PM20D1: variants seen among roughly 807,000 people sequenced by gnomAD.
PM20D1 encodes the protein N-fatty-acyl-amino acid synthase/hydrolase PM20D1.
PM20D1 carries 53 observed loss-of-function variants against 53.8 expected under a neutral mutation model. The ratio of observed to expected loss-of-function variants is 0.98; its 90% CI spans 0.79 to 1.24. The LOEUF (loss-of-function observed/expected upper bound fraction) is 1.24. PM20D1 is among the 50% of genes most tolerant of loss of function. The pLI is 0.00. For synonymous variants in PM20D1, 239 were observed against 241.3 expected, an observed-to-expected ratio of 0.99 and a Z score of 0.09; for missense variants, 564 against 616.8, an observed-to-expected ratio of 0.91 and a Z score of 0.91.
chr1:205,839,090 C>A (rs1656748018), intron 10 of PM20D1, among the ~76,000 whole-genome samples: 1 of 152,218 alleles, frequency 6.6e-6, no homozygotes, highest in South Asian at 2.1e-4. Flanking sequence ...TCTCCTGCCA[C>A]AGATTTCACA....
rs1656823510 is a variant in PM20D1 at position 205,842,089 on chromosome 1, GA to G, written c.965+64del. The G allele has an allele frequency of 4.7e-6, 7 of 1,497,786 alleles. No homozygotes were observed. The South Asian group carries it at 7.9e-5, about 17-fold the overall frequency. 92.8% of individuals were successfully genotyped at this position (1,497,786 alleles called of 1,614,324 possible). On this transcript the variant is annotated intron_variant, in intron 8 of 12. Transcript: ENST00000367136. ...TAGTCAGGCCCAGTTAAGCCAAGGAGAGGGGCCTGGGGGGTGGGTAGGTTTG... is the reference window on the plus strand; with the variant it reads ...TAGTCAGGCCCAGTTAAGCCAAGGAGGGGGCCTGGGGGGTGGGTAGGTTTG...
Position 205,839,490 on chromosome 1 carries a change from G to A in PM20D1, c.1116+762C>T, listed in dbSNP as rs1416980774. Reference sequence around the variant, plus strand: ...GTACTCTGTACCTCAATTTTCACCAGTTAAATGCAGATTTAGGGTGGGTAG... The same window carrying A: ...GTACTCTGTACCTCAATTTTCACCAATTAAATGCAGATTTAGGGTGGGTAG... On this transcript the variant is annotated intron_variant, in intron 10 of 12. Coordinates refer to ENST00000367136, the MANE Select transcript of PM20D1 (RefSeq NM_152491.5). Among the ~76,000 whole-genome samples the A allele has an allele frequency of 2.0e-5, 3 of 152,114 alleles. 1 individual carries two copies. In the East Asian group the frequency reaches 5.8e-4, roughly 29 times the overall value.
In PM20D1 at chr1:205,834,891, G is replaced by A. The variant is rs916466757; in HGVS notation, c.1117-2125C>T. Among the ~76,000 whole-genome samples, 6 of 152,162 alleles carry A rather than the reference G, an allele frequency of 3.9e-5. No homozygotes were observed. The South Asian group carries it at 1.2e-3, about 32-fold the overall frequency. On this transcript the variant is annotated intron_variant, in intron 10 of 12. Coordinates refer to ENST00000367136, the MANE Select transcript of PM20D1 (RefSeq NM_152491.5). ...TGTGTCTGACTCAAGGGCAGGGACT[G>A]TGTCTATCTCATTTCCGCATTTCCA...
intron 5 of PM20D1, 100 bp downstream of exon 5, chr1:205,843,987 A>G: frequency 6.6e-7 from 1 of 1,513,782 alleles, no homozygotes; most frequent in Non-Finnish European, 8.9e-7. Flanking sequence ...AGAGGTGTAC[A>G]CAAAGAGTTG....
At chr1:205,835,705 C>T (rs1481856803) in intron 10 of PM20D1, among the ~76,000 whole-genome samples, 6 of 147,616 alleles carry the variant, frequency 4.1e-5, no homozygotes. Flanking sequence ...CAGTGCCTGG[C>T]ACATGGTAAG....
At chr1:205,842,430 G>A (rs1032624063) in intron 7 of PM20D1, among the ~76,000 whole-genome samples, 3 of 152,172 alleles carry the variant, frequency 2.0e-5, no homozygotes, top group African/African-American at 7.2e-5. Flanking sequence ...CAATTGCTTA[G>A]CAACCTCAAG....
chr1:205,832,863 G>C (rs1558090298), intron 10 of PM20D1, 97 bp from the exon 11 acceptor site: 10 of 1,369,140 alleles, frequency 7.3e-6, no homozygotes, highest in Non-Finnish European at 9.8e-6. Context: ...GCAAGGCAGA[G>C]CCTCAGGGTT....
intron 2 of PM20D1, among the ~76,000 whole-genome samples, chr1:205,846,416 A>G (rs1656986210): frequency 6.6e-6 from 1 of 152,192 alleles, no homozygotes; most frequent in Non-Finnish European, 1.5e-5. Flanking sequence ...TAAGATGGTC[A>G]ATATCTCAAG....
At chr1:205,837,602 TG>T (rs918956009) in intron 10 of PM20D1, among the ~76,000 whole-genome samples, 6 of 152,288 alleles carry the variant, frequency 3.9e-5, no homozygotes, top group African/African-American at 1.4e-4. Flanking sequence ...CGCATGGAAC[TG>T]GGGCTGGAGG....
In PM20D1 at chr1:205,841,908, G is replaced by A. The variant is rs1204509415; in HGVS notation, c.966-19C>T. On this transcript the variant is annotated intron_variant, in intron 8 of 12. Coordinates refer to ENST00000367136, the MANE Select transcript of PM20D1 (RefSeq NM_152491.5). ...CATAAACCTAAAACAAAAGGACCAA[G>A]GTCAGATGTTAGAAAGAACCAATGG... 4 of 1,551,202 alleles carry A rather than the reference G, an allele frequency of 2.6e-6. No homozygotes were observed. Among genetic ancestry groups the A allele is most frequent in the South Asian group, 1.2e-5 (1 of 84,426 alleles).
In PM20D1 at chr1:205,841,853, G is replaced by GA; in HGVS notation, c.1001dup (p.Arg335GlnfsTer49). ...ATATGGTGAGTGCCGTGGTGGTCCT[G>GA]ATTATTGCATTGGTTAAGGGATTTC... On this transcript the variant is annotated frameshift_variant, in exon 9 of 13. Transcript: ENST00000367136. LOFTEE classifies it high-confidence loss of function. 6.4e-7 allele frequency: 1 copy of GA among 1,568,664 alleles called. No homozygotes were observed. Among genetic ancestry groups the GA allele is most frequent in the Non-Finnish European group, 8.7e-7 (1 of 1,154,052 alleles).
At chr1:205,849,813 G>A (rs1657087550) in intron 1 of PM20D1, 91 bp downstream of exon 1, 2 of 1,481,060 alleles carry the variant, frequency 1.4e-6, no homozygotes, top group Non-Finnish European at 1.8e-6. Context: ...AGTAGCAGAT[G>A]CTTTGCGGCG....
At chr1:205,843,119 G>A (rs1452889522) in intron 6 of PM20D1, among the ~76,000 whole-genome samples, 1 of 152,178 alleles carries the variant, frequency 6.6e-6, no homozygotes, top group East Asian at 1.9e-4. Flanking sequence ...AAGCTCTGCT[G>A]TTACAGATTC....
intron 10 of PM20D1, among the ~76,000 whole-genome samples, chr1:205,839,932 AAAAAAAG>A (rs1339398784): frequency 2.0e-5 from 3 of 150,008 alleles, no homozygotes; most frequent in Non-Finnish European, 4.4e-5. Flanking sequence ...AAAAAAAAAA[AAAAAAAG>A]AAAGGAAGAA....
At chr1:205,841,070 A>G (rs914589365) in intron 9 of PM20D1, among the ~76,000 whole-genome samples, 4 of 152,156 alleles carry the variant, frequency 2.6e-5, no homozygotes, top group Admixed American at 1.3e-4. Context: ...AACCAATCAG[A>G]TAAGCCAGTC....
At chr1:205,837,994 C>T (rs371864403) in intron 10 of PM20D1, among the ~76,000 whole-genome samples, 1 of 152,078 alleles carries the variant, frequency 6.6e-6, no homozygotes, top group African/African-American at 2.4e-5. Flanking sequence ...CTAACTACCC[C>T]CCACTCCCCC....
In PM20D1 at chr1:205,833,915, T is replaced by A. The variant is rs368810856; in HGVS notation, c.1117-1149A>T. Among the ~76,000 whole-genome samples the A allele has an allele frequency of 2.6e-5, 4 of 151,942 alleles. No individual in the cohort carries two copies. In the East Asian group the frequency reaches 7.7e-4, roughly 29 times the overall value. On this transcript the variant is annotated intron_variant, in intron 10 of 12. Coordinates refer to ENST00000367136, the MANE Select transcript of PM20D1 (RefSeq NM_152491.5). ...CAGGCTGGAGTGCAGTGGTGCGATC[T>A]CGGCTTACTGCAACCTCTGCCTCCC...
chr1:205,845,013 A>C (rs943122839), intron 3 of PM20D1, 116 bp from the exon 4 acceptor site: 23 of 858,986 alleles, frequency 2.7e-5, no homozygotes, highest in Middle Eastern at 2.2e-4. Flanking sequence ...GATGTGATAG[A>C]TTCTCTTGAA....
chr1:205,831,786 ACTC>A (rs1656567383), intron 11 of PM20D1, among the ~76,000 whole-genome samples: 1 of 150,182 alleles, frequency 6.7e-6, no homozygotes, highest in Non-Finnish European at 1.5e-5. Flanking sequence ...CTGGTCTTGA[ACTC>A]CTGACCTCAT....
Sources: allele counts gnomAD v4.1 joint callset (sites outside exome capture counted in the v4.1 genomes callset), GRCh38; gene constraint gnomAD v4.1.1; transcripts MANE v1.5; gene names NCBI Gene and HGNC (gene_info 2026-07-23, HGNC 2026-07-21).